Variants in NLRP5 observed in about 807,000 individuals in gnomAD.
NLRP5 encodes the protein NACHT, LRR and PYD domains-containing protein 5.
Under a neutral mutation model 113.1 loss-of-function variants are expected in NLRP5, and 93 were observed. The ratio of observed to expected loss-of-function variants is 0.82; its 90% CI spans 0.70 to 0.98. The LOEUF (loss-of-function observed/expected upper bound fraction) is 0.98, where lower values mean the gene tolerates loss of function less well. Among genes scored for constraint, NLRP5 ranks in the 50% least tolerant of loss-of-function variants. The probability of loss-of-function intolerance (pLI) is 0.00; values close to 1 mark genes in which losing one functional copy is unlikely to be tolerated. For synonymous variants in NLRP5, 751 were observed against 600.7 expected (o/e 1.25, Z -3.66); for missense variants, 1,808 against 1,514.3 (o/e 1.19, Z -3.22).
rs200829045 is a variant in NLRP5 at position 56,027,600 on chromosome 19, G to A, written c.1367G>A (p.Arg456His). The change falls in exon 7 of 15, where the codon CGT becomes CAT. Residue 456 changes from arginine to histidine, a missense_variant. Coordinates refer to ENST00000390649, the MANE Select transcript of NLRP5 (RefSeq NM_153447.4). ...GAGCATCAGAAGACACAAGGGTTGC[G>A]TGCGATCATGAACAACCGTGAGCTG... 2,829 of 1,613,850 alleles carry A rather than the reference G, an allele frequency of 1.8e-3. 3 individuals are homozygous for A. Among genetic ancestry groups the A allele is most frequent in the Non-Finnish European group, 2.1e-3 (2,512 of 1,179,906 alleles).
chr19:56,032,896 G>C (rs1983177376), intron 8 of NLRP5, 115 bp downstream of exon 8: 1 of 1,027,306 alleles, frequency 9.7e-7, no homozygotes, highest in Non-Finnish European at 1.4e-6. Context: ...GGGCATAAGT[G>C]CCACCAAAGG....
At chr19:56,046,231 C>A (rs555877764) in intron 11 of NLRP5, among the ~76,000 whole-genome samples, 1 of 152,152 alleles carries the variant, frequency 6.6e-6, no homozygotes, top group East Asian at 1.9e-4. Context: ...ATTTTTAATT[C>A]AGTTTATGTG....
chr19:56,050,884 T>C (rs1983909449), intron 12 of NLRP5, among the ~76,000 whole-genome samples: 1 of 152,084 alleles, frequency 6.6e-6, no homozygotes, highest in Admixed American at 6.5e-5. Context: ...GCTATTTATC[T>C]GTATGGAGAA....
chr19:55,999,912 G>T (rs1981566041), intron 1 of NLRP5: 3 of 742,254 alleles, frequency 4.0e-6, no homozygotes, highest in Non-Finnish European at 7.2e-6. Flanking sequence ...CGTTGCAGCA[G>T]AACACTCCCC....
chr19:56,005,521 TAC>T lies in NLRP5; in HGVS notation c.442+1435_442+1436del, dbSNP rs144176069. On this transcript the variant is annotated intron_variant, in intron 2 of 14. Transcript: ENST00000390649. ...GCATGCCTGTACACATATATATTTA[TAC>T]ACACACACGCACACACGCAGGTGGC... is the stretch of plus-strand genomic sequence containing the variant. Among the ~76,000 whole-genome samples the T allele has an allele frequency of 1.7e-3, 237 of 142,616 alleles. 1 individual carries two copies. The highest frequency in any genetic ancestry group is 1.9e-3 in the Non-Finnish European group (127 of 65,730). The allele number at this position is 142,616 out of a possible 152,430, so 93.6% of individuals were successfully genotyped here. A position where few individuals can be genotyped will look rare whatever the true frequency, so the allele number is the denominator to read the frequency against.
intron 12 of NLRP5, among the ~76,000 whole-genome samples, chr19:56,053,033 G>A (rs1444520559): frequency 1.3e-5 from 2 of 152,146 alleles, no homozygotes; most frequent in Admixed American, 6.5e-5. Flanking sequence ...GGAGGTGGAG[G>A]TTGCAGTGAG....
Position 56,033,629 on chromosome 19 carries a change from A to G in NLRP5, c.2535A>G (p.Gly845=). 3 of 1,613,702 alleles carry G rather than the reference A, an allele frequency of 1.9e-6. No homozygotes were observed. The highest frequency in any genetic ancestry group is 2.5e-6 in the Non-Finnish European group (3 of 1,179,634). The stretch of plus-strand genomic sequence containing the variant: ...GTAACCTAAGATCCCTCAACTTGGG[A>G]GGCACCCACCTGAAGGAAGAGGATG... Residue 845 remains glycine, a synonymous_variant, in exon 9 of 15, where the codon GGA becomes GGG. Transcript: ENST00000390649.
chr19:56,026,087 A>C (rs2123302030), intron 6 of NLRP5, among the ~76,000 whole-genome samples: 1 of 152,228 alleles, frequency 6.6e-6, no homozygotes, highest in East Asian at 1.9e-4. Flanking sequence ...ATTGTTAAGA[A>C]GCTTTTGAGG....
intron 12 of NLRP5, among the ~76,000 whole-genome samples, chr19:56,052,954 A>T (rs977305039): frequency 1.3e-5 from 2 of 152,206 alleles, no homozygotes; most frequent in East Asian, 3.8e-4. Flanking sequence ...ACCTTTAGCC[A>T]GGTGTGGTGG....
the NLRP5 span, among the ~76,000 whole-genome samples, chr19:55,990,083 T>TC: frequency 0.21 from 9,020 of 42,200 alleles, 515 homozygotes; most frequent in African/African-American, 0.28. Flanking sequence ...TTTTTTCTTT[T>TC]TTTTTTTTTT....
chr19:56,009,479 G>A (rs981760085), intron 3 of NLRP5, among the ~76,000 whole-genome samples: 4 of 152,010 alleles, frequency 2.6e-5, no homozygotes, highest in Non-Finnish European at 5.9e-5. Context: ...AGGCTTTGGT[G>A]GAAAGAATCA....
intron 11 of NLRP5, among the ~76,000 whole-genome samples, chr19:56,047,965 A>G (rs1015186493): frequency 6.6e-6 from 1 of 152,218 alleles, no homozygotes; most frequent in Non-Finnish European, 1.5e-5. Flanking sequence ...GGATTATATA[A>G]TTATATAATG....
At chr19:55,998,698 ATATATG>A (rs1312379761), upstream of NLRP5, among the ~76,000 whole-genome samples, 459 of 75,720 alleles carry the variant, frequency 6.1e-3, 8 homozygotes, top group South Asian at 0.011. Flanking sequence ...ATATATATAT[ATATATG>A]TGTGTGTGTG....
intron 3 of NLRP5, among the ~76,000 whole-genome samples, chr19:56,012,397 C>G (rs983525170): frequency 5.3e-5 from 8 of 150,874 alleles, no homozygotes; most frequent in Middle Eastern, 3.6e-3. Context: ...ATCCACCTGC[C>G]TTGGCCTCCC....
chr19:56,026,840 T>C (rs571514179), intron 6 of NLRP5, 73 bp from the exon 7 acceptor site: 13 of 1,463,100 alleles, frequency 8.9e-6, no homozygotes, highest in Non-Finnish European at 1.1e-5. Context: ...CCTCCCACAG[T>C]GCTGGGATGA....
At chr19:56,044,058 G>A (rs781275552) in intron 11 of NLRP5, among the ~76,000 whole-genome samples, 5 of 143,460 alleles carry the variant, frequency 3.5e-5, no homozygotes, top group South Asian at 2.2e-4. Context: ...ATAGTTTTAA[G>A]TCTTAGGTCT....
At position 56,055,533 on chromosome 19, in the gene NLRP5, C is replaced by CTTTTTTTTT. The variant is rs1491011983; in HGVS notation, c.3299+1726_3299+1727insTTTTTTTTT. On this transcript the variant is annotated intron_variant, in intron 13 of 14. Transcript: ENST00000390649. ...AGCTCCATGTTCTATTTTTCTTTCT[C>CTTTTTTTTT]TGTCTTTTTTTTTTTTTTTTTTTTT... Among the ~76,000 whole-genome samples, 249 of 99,498 alleles carry CTTTTTTTTT rather than the reference C, an allele frequency of 2.5e-3. 20 individuals are homozygous for CTTTTTTTTT. The highest frequency in any genetic ancestry group is 7.6e-3 in the Middle Eastern group (1 of 132). 65.3% of individuals were successfully genotyped at this position (99,498 alleles called of 152,430 possible).
chr19:56,049,043 G>A (rs947897766), intron 11 of NLRP5, among the ~76,000 whole-genome samples: 1 of 141,498 alleles, frequency 7.1e-6, no homozygotes, highest in Non-Finnish European at 1.5e-5. Context: ...GTGCAGTGGT[G>A]CAATCTCGGC....
At chr19:55,991,097 G>A in the NLRP5 span, among the ~76,000 whole-genome samples, 1 of 152,026 alleles carries the variant, frequency 6.6e-6, no homozygotes, top group African/African-American at 2.4e-5. Context: ...TTTTTTCAGC[G>A]GGACTTTAAA....
Sources: gnomAD v4.1 joint callset for allele counts (sites outside exome capture counted in the v4.1 genomes callset) on GRCh38, gnomAD v4.1.1 for gene constraint, MANE v1.5 for transcripts, NCBI Gene and HGNC (gene_info 2026-07-23, HGNC 2026-07-21) for gene names.